KCNH5: variants seen among roughly 807,000 people sequenced by gnomAD.
The protein encoded by KCNH5 is potassium voltage-gated channel subfamily H member 5.
A neutral mutation model predicts 96.1 loss-of-function variants in KCNH5; 46 were observed. That is an observed-to-expected ratio of 0.48 (90% CI 0.38 to 0.61). The LOEUF (loss-of-function observed/expected upper bound fraction) is 0.61, where lower values mean the gene tolerates loss of function less well. Ranked by LOEUF, KCNH5 falls within the 20% of genes least tolerant of loss-of-function variation. KCNH5 has a pLI of 0.00. For synonymous variants in KCNH5, 439 were observed against 449.8 expected (o/e 0.98, Z 0.30); for missense variants, 907 against 1,225.8 (o/e 0.74, Z 3.88).
chr14:62,983,728 T>G (rs1890654066), intron 5 of KCNH5, among the ~76,000 whole-genome samples: 1 of 152,168 alleles, frequency 6.6e-6, no homozygotes, highest in Non-Finnish European at 1.5e-5. Context: ...GAATACAGTA[T>G]ACTTATACCT....
intron 10 of KCNH5, among the ~76,000 whole-genome samples, chr14:62,757,929 T>C (rs1043852584): frequency 2.0e-5 from 3 of 152,094 alleles, no homozygotes; most frequent in Admixed American, 2.0e-4. Context: ...GTGGATCACC[T>C]GAGGTCAGGA....
intron 9 of KCNH5, among the ~76,000 whole-genome samples, chr14:62,792,649 C>T (rs1003893802): frequency 7.9e-5 from 12 of 151,580 alleles, no homozygotes; most frequent in African/African-American, 2.9e-4. Context: ...CCTACGATAT[C>T]GTTCATATTA....
intron 6 of KCNH5, among the ~76,000 whole-genome samples, chr14:62,967,763 C>T (rs1890330655): frequency 6.6e-6 from 1 of 152,118 alleles, no homozygotes; most frequent in Admixed American, 6.6e-5. Context: ...ACAGTAACCT[C>T]TATGCAAGTA....
intron 4 of KCNH5, among the ~76,000 whole-genome samples, chr14:63,000,641 TG>T (rs1193790337): frequency 6.6e-6 from 1 of 152,224 alleles, no homozygotes; most frequent in Non-Finnish European, 1.5e-5. Flanking sequence ...CTATTACAAT[TG>T]TAATTCAACA....
chr14:62,888,210 T>C (rs1054886680), intron 7 of KCNH5, among the ~76,000 whole-genome samples: 7 of 152,208 alleles, frequency 4.6e-5, no homozygotes, highest in African/African-American at 1.7e-4. Flanking sequence ...TGAAGTTTAA[T>C]TTTATCTTTT....
In KCNH5 at chr14:62,708,093, A is replaced by C. The variant is rs1884478264; in HGVS notation, c.2382T>G (p.Cys794Trp). Residue 794 changes from cysteine (C) to tryptophan (W), a missense_variant, in exon 11 of 11, where the codon TGT becomes TGG. By Grantham distance (215) the Cys-to-Trp change is radical (BLOSUM62 -2). This residue lies in a region of KCNH5 where 362 missense variants were observed against 394.4 expected (regional missense o/e 0.92). Coordinates refer to ENST00000322893, the MANE Select transcript of KCNH5 (RefSeq NM_139318.5). The part of the protein sequence containing the change: ...LKPNGGADQK[C>W]LKVNSPIRMK... ...TTCTTATTGGGCTGTTGACTTTGAGACATTTTTGGTCAGCACCGCCGTTGG... is the reference window on the plus strand; with the variant it reads ...TTCTTATTGGGCTGTTGACTTTGAGCCATTTTTGGTCAGCACCGCCGTTGG... 8.7e-6 allele frequency: 14 copies of C among 1,614,082 alleles called. No individual in the cohort carries two copies. Among genetic ancestry groups the C allele is most frequent in the Non-Finnish European group, 1.0e-5 (12 of 1,180,042 alleles).
At chr14:62,824,899 G>A (rs1016888339) in intron 8 of KCNH5, among the ~76,000 whole-genome samples, 2 of 151,942 alleles carry the variant, frequency 1.3e-5, no homozygotes, top group African/African-American at 4.8e-5. Context: ...CTAGGATAAT[G>A]GCCTCCAGCT....
chr14:62,966,466 T>C (rs113609352), intron 6 of KCNH5, among the ~76,000 whole-genome samples: 92 of 152,306 alleles, frequency 6.0e-4, no homozygotes, highest in African/African-American at 2.0e-3. Flanking sequence ...CAGCAAGTAC[T>C]GGAGCCATCT....
intron 4 of KCNH5, among the ~76,000 whole-genome samples, chr14:63,000,428 AG>A (rs1362465398): frequency 3.9e-4 from 59 of 152,320 alleles, no homozygotes; most frequent in African/African-American, 1.4e-3. Flanking sequence ...ATAGAAAAGG[AG>A]GTAAAAGCAC....
intron 8 of KCNH5, among the ~76,000 whole-genome samples, chr14:62,813,038 C>T (rs1233257703): frequency 2.0e-5 from 3 of 152,014 alleles, no homozygotes; most frequent in African/African-American, 7.2e-5. Context: ...AACAAATAAC[C>T]TTGTACCTAT....
At chr14:63,018,729 C>A (rs1891373319) in intron 1 of KCNH5, among the ~76,000 whole-genome samples, 1 of 151,986 alleles carries the variant, frequency 6.6e-6, no homozygotes, top group Non-Finnish European at 1.5e-5. Flanking sequence ...ATTTAACTGC[C>A]TGATTTTTAA....
chr14:62,833,064 T>C (rs1407081855), intron 8 of KCNH5, among the ~76,000 whole-genome samples: 2 of 152,074 alleles, frequency 1.3e-5, no homozygotes. Flanking sequence ...TCTTATTATA[T>C]AGGTTGCTTT....
intron 7 of KCNH5, among the ~76,000 whole-genome samples, chr14:62,914,200 A>G (rs1889228471): frequency 6.6e-6 from 1 of 152,240 alleles, no homozygotes; most frequent in South Asian, 2.1e-4. Context: ...GTTAATAACC[A>G]TCTCAACTGA....
intron 2 of KCNH5, among the ~76,000 whole-genome samples, chr14:63,014,624 T>C (rs951931184): frequency 1.3e-5 from 2 of 152,034 alleles, no homozygotes; most frequent in African/African-American, 2.4e-5. Flanking sequence ...TGAAGAGTAA[T>C]ACTTCTCAAA....
At chr14:62,786,943 G>A (rs1364050439) in intron 9 of KCNH5, among the ~76,000 whole-genome samples, 1 of 152,008 alleles carries the variant, frequency 6.6e-6, no homozygotes, top group Non-Finnish European at 1.5e-5. Context: ...CTCTCCTGGG[G>A]CCTTCCTGTT....
chr14:63,018,988 T>A (rs1891378540), intron 1 of KCNH5, among the ~76,000 whole-genome samples: 1 of 151,696 alleles, frequency 6.6e-6, no homozygotes, highest in African/African-American at 2.4e-5. Flanking sequence ...GAAAGAACAA[T>A]TTGAAAACAC....
intron 6 of KCNH5, among the ~76,000 whole-genome samples, chr14:62,970,894 A>G (rs1280497782): frequency 6.6e-6 from 1 of 152,046 alleles, no homozygotes; most frequent in African/African-American, 2.4e-5. Flanking sequence ...AAAAAACCCT[A>G]CAACTAACAT....
Position 62,700,313 on chromosome 14 carries a change from A to G in KCNH5, c.*7195T>C, listed in dbSNP as rs981559061. Reference sequence around the variant, plus strand: ...GGTTCTAAACTGGTTTCCACTTTTCATAACAATCACTTAAGAAATCTGTTC... The same window carrying G: ...GGTTCTAAACTGGTTTCCACTTTTCGTAACAATCACTTAAGAAATCTGTTC... On this transcript the variant is annotated 3_prime_UTR_variant, in exon 11 of 11. Transcript: ENST00000322893. 3.9e-5 allele frequency: 6 copies of G among 152,190 alleles called. No individual in the cohort carries two copies. Among genetic ancestry groups the G allele is most frequent in the African/African-American group, 1.4e-4 (6 of 41,452 alleles). 9.4% of individuals were successfully genotyped at this position (152,190 alleles called of 1,614,324 possible).
chr14:62,959,271 G>A (rs1890163221), intron 6 of KCNH5, among the ~76,000 whole-genome samples: 1 of 151,914 alleles, frequency 6.6e-6, no homozygotes, highest in African/African-American at 2.4e-5. Flanking sequence ...CAAACTCCTG[G>A]CCCCACTGGA....
Sources: allele counts gnomAD v4.1 joint callset (sites outside exome capture counted in the v4.1 genomes callset), GRCh38; gene constraint gnomAD v4.1.1; regional missense constraint gnomAD v4.1.1; transcripts MANE v1.5; gene names NCBI Gene and HGNC (gene_info 2026-07-23, HGNC 2026-07-21).